The following PREX1 variants were observed in gnomAD, a reference collection of about 807,000 sequenced individuals.
The protein encoded by PREX1 is phosphatidylinositol 3,4,5-trisphosphate-dependent Rac exchanger 1 protein.
PREX1 carries 41 observed loss-of-function variants against 198.3 expected under a neutral mutation model. The observed-to-expected ratio is 0.21, with a 90% CI of 0.16 to 0.27. PREX1 has a LOEUF of 0.27. PREX1 is among the 10% of genes least tolerant of loss of function. The pLI is 1.00. For synonymous variants in PREX1, 843 were observed against 887.2 expected, an observed-to-expected ratio of 0.95 and a Z score of 0.89; for missense variants, 1,620 against 2,200.7, an observed-to-expected ratio of 0.74 and a Z score of 5.28.
At chr20:48,662,224 G>A (rs2089602072) in intron 15 of PREX1, among the ~76,000 whole-genome samples, 2 of 152,182 alleles carry the variant, frequency 1.3e-5, no homozygotes, top group East Asian at 1.9e-4. Context: ...CCAGGGGGCC[G>A]CTGGCTTCGA....
At chr20:48,641,386 T>C (rs2074467887) in intron 29 of PREX1, among the ~76,000 whole-genome samples, 1 of 152,296 alleles carries the variant, frequency 6.6e-6, no homozygotes, top group Non-Finnish European at 1.5e-5. Flanking sequence ...TGCTGGCTTT[T>C]CATATATAGG....
chr20:48,785,228 T>C (rs889999573), intron 1 of PREX1, among the ~76,000 whole-genome samples: 8 of 152,226 alleles, frequency 5.3e-5, no homozygotes, highest in African/African-American at 1.9e-4. Context: ...ATAATTTCTA[T>C]TTCGATGAAG....
intron 10 of PREX1, among the ~76,000 whole-genome samples, chr20:48,682,357 G>C (rs1298384361): frequency 6.6e-6 from 1 of 152,082 alleles, no homozygotes; most frequent in Non-Finnish European, 1.5e-5. Context: ...TCACATCTCT[G>C]TGTTGCTTCC....
chr20:48,809,355 C>T (rs767988476), intron 1 of PREX1, among the ~76,000 whole-genome samples: 60 of 152,300 alleles, frequency 3.9e-4, no homozygotes, highest in Admixed American at 3.4e-3. Context: ...AGAAGAGATG[C>T]TCCCACCTGG....
intron 3 of PREX1, among the ~76,000 whole-genome samples, chr20:48,737,215 CAAAAAAAA>C (rs140010281): frequency 1.1e-4 from 4 of 35,300 alleles, no homozygotes; most frequent in East Asian, 9.5e-4. Flanking sequence ...GTTTTGACAG[CAAAAAAAA>C]AAAAAAAAAA....
chr20:48,642,598 G>T, intron 27 of PREX1, 109 bp from the exon 28 acceptor site: 1 of 972,968 alleles, frequency 1.0e-6, no homozygotes, highest in Non-Finnish European at 1.5e-6. Flanking sequence ...AACCCACAAG[G>T]GATGTGGAGT....
At position 48,827,577 on chromosome 20, in the gene PREX1, TG is replaced by T; in HGVS notation, c.219+64del. The T allele has an allele frequency of 8.8e-7, 1 of 1,139,322 alleles. No individual in the cohort carries two copies. Among genetic ancestry groups the T allele is most frequent in the Non-Finnish European group, 1.1e-6 (1 of 900,828 alleles). 70.6% of individuals were successfully genotyped at this position (1,139,322 alleles called of 1,614,324 possible). A position where few individuals can be genotyped will look rare whatever the true frequency, so the allele number is the denominator to read the frequency against. On this transcript the variant is annotated intron_variant, in intron 1 of 39. Transcript: ENST00000371941. This position sits in a 1 kb window ranked among gnomAD's most constrained non-coding sequence, Gnocchi z 4.1. The stretch of plus-strand genomic sequence containing the variant: ...CCACGGGGACCACGGCCACAGGTTG[TG>T]GGGACCGCAGCGGGGCGAGCGGCTG...
At chr20:48,842,575 AG>A in the PREX1 span, among the ~76,000 whole-genome samples, 1 of 151,354 alleles carries the variant, frequency 6.6e-6, no homozygotes, top group South Asian at 2.1e-4. Context: ...ACTGAACTCC[AG>A]GCTGGGCAAC....
rs1183385782 is a variant in PREX1, at chr20:48,625,337, C to T, written c.*548G>A. The T allele has an allele frequency of 1.3e-5, 2 of 152,456 alleles. No individual in the cohort carries two copies. The highest frequency in any genetic ancestry group is 4.8e-5 in the African/African-American group (2 of 41,442). The allele number at this position is 152,456 out of a possible 1,614,324, so 9.4% of individuals were successfully genotyped here. The stretch of plus-strand genomic sequence containing the variant: ...AGCTGGTGTGGCTCTCGGGGATCCT[C>T]TGGTAACAGGCGTGATGGAGGCCCC... On this transcript the variant is annotated 3_prime_UTR_variant, in exon 40 of 40. Coordinates refer to ENST00000371941, the MANE Select transcript of PREX1 (RefSeq NM_020820.4).
intron 28 of PREX1, 70 bp downstream of exon 28, chr20:48,642,337 G>T: frequency 6.2e-7 from 1 of 1,604,238 alleles, no homozygotes; most frequent in Non-Finnish European, 8.5e-7. Context: ...ACAGCCCCCG[G>T]GTCATGGGCC....
Position 48,797,310 on chromosome 20 carries a change from C to A in PREX1, c.219+30332G>T, listed in dbSNP as rs544882974. On this transcript the variant is annotated intron_variant, in intron 1 of 39. Coordinates refer to ENST00000371941, the MANE Select transcript of PREX1 (RefSeq NM_020820.4). ...TGTGGTTGAGTCCAGCAGAGCAGGA[C>A]AAAGGGCCAAATGACGGCCCCCTGC... Among the ~76,000 whole-genome samples, 51 of 152,078 alleles carry A rather than the reference C, an allele frequency of 3.4e-4. No homozygotes were observed. In the South Asian group the frequency reaches 0.011, roughly 32 times the overall value.
At chr20:48,797,698 C>T (rs1188281777) in intron 1 of PREX1, among the ~76,000 whole-genome samples, 1 of 152,236 alleles carries the variant, frequency 6.6e-6, no homozygotes, top group Non-Finnish European at 1.5e-5. Context: ...AAAGCACAGT[C>T]TGGCAAAGCG....
intron 1 of PREX1, among the ~76,000 whole-genome samples, chr20:48,768,949 C>T (rs1568857193): frequency 6.8e-6 from 1 of 146,182 alleles, no homozygotes; most frequent in Non-Finnish European, 1.5e-5. Context: ...AAACTATTCC[C>T]TTTTTTTTTT....
intron 1 of PREX1, among the ~76,000 whole-genome samples, chr20:48,823,750 G>A (rs1178542346): frequency 1.3e-5 from 2 of 152,184 alleles, no homozygotes; most frequent in Non-Finnish European, 2.9e-5. Flanking sequence ...TCCCAGTTCT[G>A]CCACCTTAAT....
chr20:48,689,683 G>A (rs931674401), intron 9 of PREX1, among the ~76,000 whole-genome samples: 1 of 152,158 alleles, frequency 6.6e-6, no homozygotes, highest in African/African-American at 2.4e-5. Flanking sequence ...ACTCAGCCCC[G>A]ATCAATTTCA....
At chr20:48,871,882 G>A in the PREX1 span, among the ~76,000 whole-genome samples, 2 of 151,930 alleles carry the variant, frequency 1.3e-5, no homozygotes, top group East Asian at 1.9e-4. Context: ...CACCTCGGCC[G>A]GGCGTGGTGG....
the PREX1 span, among the ~76,000 whole-genome samples, chr20:48,849,031 C>T: frequency 6.6e-6 from 1 of 151,958 alleles, no homozygotes; most frequent in African/African-American, 2.4e-5. Context: ...AGCCACCATG[C>T]CTGGCCTGAT....
chr20:48,651,234 C>G (rs546509048), intron 22 of PREX1, among the ~76,000 whole-genome samples, 162 bp downstream of exon 22: 1 of 152,250 alleles, frequency 6.6e-6, no homozygotes, highest in Non-Finnish European at 1.5e-5. Flanking sequence ...CACAGTCCCA[C>G]GCTACCTAGT....
At chr20:48,764,138 A>AC in intron 1 of PREX1, among the ~76,000 whole-genome samples, 1 of 152,290 alleles carries the variant, frequency 6.6e-6, no homozygotes, top group South Asian at 2.1e-4. Flanking sequence ...CCACATCATT[A>AC]AAGTTGTGAC....
Sources: allele counts gnomAD v4.1 joint callset (sites outside exome capture counted in the v4.1 genomes callset), GRCh38; gene constraint gnomAD v4.1.1; non-coding constraint Gnocchi (gnomAD v3.1); transcripts MANE v1.5; gene names NCBI Gene and HGNC (gene_info 2026-07-23, HGNC 2026-07-21).